MAGI2: variants seen among roughly 807,000 people sequenced by gnomAD.
The protein encoded by MAGI2 is membrane associated guanylate kinase, WW and PDZ domain containing 2.
In MAGI2, 35 loss-of-function variants were observed where a neutral mutation model predicts 133.3. That is an observed-to-expected ratio of 0.26 (90% CI 0.20 to 0.35). The LOEUF (loss-of-function observed/expected upper bound fraction) is 0.35, where lower values mean the gene tolerates loss of function less well. MAGI2 is among the 10% of genes least tolerant of loss of function. The pLI is 1.00. For missense variants in MAGI2, 1,636 were observed against 1,863.4 expected (o/e 0.88, Z 2.25); for synonymous variants, 729 against 710.6 (o/e 1.03, Z -0.41).
Position 78,368,236 on chromosome 7 carries a change from G to A in MAGI2, c.1103+920C>T, listed in dbSNP as rs549181755. ...GACACCTAATAAAAGCTCAGTAACC[G>A]TTTTTGAATATTGTTACAAAAACAA... On this transcript the variant is annotated intron_variant, in intron 7 of 21. Coordinates refer to ENST00000354212, the MANE Select transcript of MAGI2 (RefSeq NM_012301.4). Among the ~76,000 whole-genome samples, 11 of 152,290 alleles carry A rather than the reference G, an allele frequency of 7.2e-5. No individual in the cohort carries two copies. In the South Asian group the frequency reaches 8.3e-4, roughly 11 times the overall value.
At chr7:78,710,656 A>G (rs1294503805) in intron 2 of MAGI2, among the ~76,000 whole-genome samples, 1 of 152,168 alleles carries the variant, frequency 6.6e-6, no homozygotes, top group Non-Finnish European at 1.5e-5. Context: ...ACAGAGAGAA[A>G]TGCTCATAAA....
At chr7:78,429,314 C>A (rs545083126) in intron 6 of MAGI2, among the ~76,000 whole-genome samples, 2 of 152,084 alleles carry the variant, frequency 1.3e-5, no homozygotes, top group South Asian at 4.2e-4. Flanking sequence ...TTTCTTTTCT[C>A]CTTTTCTGAT....
chr7:78,613,580 C>G (rs1031580993), intron 3 of MAGI2, among the ~76,000 whole-genome samples: 18 of 152,058 alleles, frequency 1.2e-4, no homozygotes, highest in Non-Finnish European at 2.1e-4. Context: ...GTACAGAAAG[C>G]AAATAATGTC....
intron 6 of MAGI2, among the ~76,000 whole-genome samples, chr7:78,424,513 C>A (rs1584038259): frequency 6.6e-6 from 1 of 152,128 alleles, no homozygotes; most frequent in Non-Finnish European, 1.5e-5. Context: ...AAAGGGTCAC[C>A]ATCCTCCAGA....
In MAGI2 at chr7:79,021,422, G is replaced by A. The variant is rs1025662595; in HGVS notation, c.302-14216C>T. Among the ~76,000 whole-genome samples the A allele has an allele frequency of 7.9e-5, 12 of 152,308 alleles. No individual in the cohort carries two copies. In the South Asian group the frequency reaches 2.3e-3, roughly 29 times the overall value. On this transcript the variant is annotated intron_variant, in intron 1 of 21. Transcript: ENST00000354212. ...GGGCCTGTACCCTGAAAAGTCACAG[G>A]GGTGGAGCTGCCAAAGGCCATGTGA...
At chr7:78,207,174 G>C (rs1787185733) in intron 10 of MAGI2, among the ~76,000 whole-genome samples, 1 of 152,036 alleles carries the variant, frequency 6.6e-6, no homozygotes, top group Admixed American at 6.5e-5. Flanking sequence ...GTGATGCCCT[G>C]CTGGAAGACA....
chr7:78,894,069 A>G (rs1348080450), intron 2 of MAGI2, among the ~76,000 whole-genome samples: 3 of 152,196 alleles, frequency 2.0e-5, no homozygotes, highest in Non-Finnish European at 4.4e-5. Context: ...CATTTTCAAC[A>G]AGTTGTAGGA....
chr7:79,062,355 T>C (rs1406002322), intron 1 of MAGI2, among the ~76,000 whole-genome samples: 1 of 152,132 alleles, frequency 6.6e-6, no homozygotes, highest in African/African-American at 2.4e-5. Context: ...CATTGGAATG[T>C]CATAAGAAGA....
At chr7:79,243,720 T>C (rs764066874) in intron 1 of MAGI2, among the ~76,000 whole-genome samples, 1 of 152,244 alleles carries the variant, frequency 6.6e-6, no homozygotes, top group Non-Finnish European at 1.5e-5. Flanking sequence ...TTCTTTTACC[T>C]ATGGCTTTAA....
chr7:79,080,107 G>A (rs1815910579), intron 1 of MAGI2, among the ~76,000 whole-genome samples: 1 of 152,064 alleles, frequency 6.6e-6, no homozygotes, highest in Non-Finnish European at 1.5e-5. Context: ...TGCTTCAAAT[G>A]TTCACAGTGA....
At chr7:78,556,611 TG>T (rs1466223668) in intron 3 of MAGI2, among the ~76,000 whole-genome samples, 2 of 152,146 alleles carry the variant, frequency 1.3e-5, no homozygotes, top group Non-Finnish European at 2.9e-5. Context: ...AGAAGAGCCC[TG>T]GGGATGAAGT....
intron 2 of MAGI2, among the ~76,000 whole-genome samples, chr7:78,947,120 GTAAC>G (rs1052924942): frequency 2.0e-5 from 3 of 152,012 alleles, no homozygotes; most frequent in Admixed American, 1.3e-4. Flanking sequence ...ACCATGGACA[GTAAC>G]TAACTCTCTT....
chr7:78,837,213 A>G (rs1791707829), intron 2 of MAGI2, among the ~76,000 whole-genome samples: 1 of 152,172 alleles, frequency 6.6e-6, no homozygotes, highest in South Asian at 2.1e-4. Flanking sequence ...CCAAGTGCCA[A>G]TGAAACACAT....
intron 3 of MAGI2, among the ~76,000 whole-genome samples, chr7:78,584,801 CACTA>C (rs1186924575): frequency 1.3e-5 from 2 of 152,176 alleles, no homozygotes; most frequent in African/African-American, 4.8e-5. Flanking sequence ...CTGATTCTAC[CACTA>C]ACTAGCTGTT....
chr7:78,228,591 G>A (rs934804687), intron 10 of MAGI2, among the ~76,000 whole-genome samples: 10 of 152,162 alleles, frequency 6.6e-5, no homozygotes, highest in Non-Finnish European at 1.5e-4. Context: ...CAGCATTTTA[G>A]AAATTTTTTA....
Position 78,166,706 on chromosome 7 carries a change from A to AT in MAGI2, c.2596+1209dup, listed in dbSNP as rs1419115006. ...CTCTACTAGTCATTCACAGCCTGTCATTAGCCTGTGGTCCTCTTCTAGAAT... is the reference window on the plus strand; with the variant it reads ...CTCTACTAGTCATTCACAGCCTGTCATTTAGCCTGTGGTCCTCTTCTAGAAT... On this transcript the variant is annotated intron_variant, in intron 15 of 21. Coordinates refer to ENST00000354212, the MANE Select transcript of MAGI2 (RefSeq NM_012301.4). Among the ~76,000 whole-genome samples the AT allele has an allele frequency of 3.9e-5, 6 of 152,280 alleles. No individual in the cohort carries two copies. In the East Asian group the frequency reaches 1.2e-3, roughly 29 times the overall value.
rs540572699 is a variant in MAGI2 at position 78,331,158 on chromosome 7, A to G, written c.1408+12620T>C. Among the ~76,000 whole-genome samples the G allele has an allele frequency of 5.3e-5, 8 of 152,338 alleles. No homozygotes were observed. The East Asian group carries it at 1.5e-3, about 29-fold the overall frequency. The stretch of plus-strand genomic sequence containing the variant: ...TCTCACTTACAAGTGGAAGTTAAAC[A>G]TTGGGTACATATGGATATAAAGATG... On this transcript the variant is annotated intron_variant, in intron 9 of 21. Coordinates refer to ENST00000354212, the MANE Select transcript of MAGI2 (RefSeq NM_012301.4).
chr7:78,394,081 T>C (rs1796130168), intron 6 of MAGI2, among the ~76,000 whole-genome samples: 1 of 152,008 alleles, frequency 6.6e-6, no homozygotes, highest in African/African-American at 2.4e-5. Context: ...AGGCCAAAGC[T>C]CTGAGAACCA....
At chr7:79,310,178 AAAAAAAAAAAAAAAAAAG>A (rs1315087165) in intron 1 of MAGI2, among the ~76,000 whole-genome samples, 11 of 140,238 alleles carry the variant, frequency 7.8e-5, no homozygotes, top group Middle Eastern at 6.5e-3. Context: ...AAAAAAAAAA[AAAAAAAAAAAAAAAAAAG>A]AGAGAGAGAG....
Sources: allele counts gnomAD v4.1 joint callset (sites outside exome capture counted in the v4.1 genomes callset), GRCh38; gene constraint gnomAD v4.1.1; transcripts MANE v1.5; gene names NCBI Gene and HGNC (gene_info 2026-07-23, HGNC 2026-07-21).